Variants in ZFHX3 observed in about 807,000 individuals in gnomAD.
The protein encoded by ZFHX3 is zinc finger homeobox 3.
A neutral mutation model predicts 279.1 loss-of-function variants in ZFHX3; 42 were observed. That is an observed-to-expected ratio of 0.15 (90% CI 0.12 to 0.19). ZFHX3 has a LOEUF of 0.19. Among genes scored for constraint, ZFHX3 ranks in the 10% least tolerant of loss-of-function variants. The pLI, the probability that ZFHX3 is intolerant of heterozygous loss-of-function variation, is 1.00. For missense variants in ZFHX3, 4,981 were observed against 4,754.0 expected (o/e 1.05, Z -1.40); for synonymous variants, 2,293 against 1,957.8 (o/e 1.17, Z -4.52).
chr16:73,140,952 T>C (rs1966846409), intron 6 of ZFHX3, among the ~76,000 whole-genome samples: 1 of 152,120 alleles, frequency 6.6e-6, no homozygotes, highest in South Asian at 2.1e-4. Context: ...ATGGAAGAGA[T>C]AAGAAGCCCC....
intron 1 of ZFHX3, among the ~76,000 whole-genome samples, chr16:73,881,291 C>T (rs920638740): frequency 5.3e-5 from 8 of 152,118 alleles, no homozygotes; most frequent in African/African-American, 9.7e-5. Flanking sequence ...GGAAAGAATT[C>T]GGTCTGTCAC....
intron 4 of ZFHX3, among the ~76,000 whole-genome samples, chr16:73,271,649 G>A (rs1478002338): frequency 1.3e-5 from 2 of 152,250 alleles, no homozygotes; most frequent in African/African-American, 4.8e-5. Context: ...GCTTTCAAAT[G>A]AAGATGAAAC....
intron 7 of ZFHX3, among the ~76,000 whole-genome samples, chr16:73,095,031 A>T (rs1966142546): frequency 2.6e-5 from 4 of 151,798 alleles, no homozygotes; most frequent in Admixed American, 2.6e-4. Flanking sequence ...GTCTTCATAG[A>T]TAAACCATGG....
At chr16:73,850,882 C>A (rs1597143509) in intron 1 of ZFHX3, among the ~76,000 whole-genome samples, 1 of 152,292 alleles carries the variant, frequency 6.6e-6, no homozygotes, top group African/African-American at 2.4e-5. Context: ...GTGTCACATT[C>A]TCACCAGCAT....
intron 2 of ZFHX3, among the ~76,000 whole-genome samples, chr16:73,476,500 T>C (rs2018768133): frequency 6.6e-6 from 1 of 152,168 alleles, no homozygotes; most frequent in Non-Finnish European, 1.5e-5. Context: ...ATATTCAACA[T>C]CAACTTCATC....
In ZFHX3 at chr16:72,797,809, G is replaced by A; in HGVS notation, c.4873C>T (p.Arg1625Trp). The change falls in exon 9 of 10, where the codon CGG becomes TGG. Residue 1625 changes from arginine to tryptophan, a missense_variant. Physicochemically the swap from Arg to Trp is moderately radical, Grantham distance 101. Coordinates refer to ENST00000268489, the MANE Select transcript of ZFHX3 (RefSeq NM_006885.4). ...MRSVLHQTKARAAKLEAASGS... is the reference protein window; with the variant it reads ...MRSVLHQTKAWAAKLEAASGS... ...CTTGCAGCCTCCAGCTTGGCTGCCC[G>A]GGCCTTGGTTTGATGTAACACAGAC... 1.9e-6 allele frequency: 3 copies of A among 1,614,090 alleles called. No individual in the cohort carries two copies. The highest frequency in any genetic ancestry group is 1.1e-5 in the South Asian group (1 of 91,064).
At chr16:72,911,347 G>C (rs1440230005) in intron 3 of ZFHX3, among the ~76,000 whole-genome samples, 1 of 152,152 alleles carries the variant, frequency 6.6e-6, no homozygotes, top group African/African-American at 2.4e-5. Context: ...AGTAATTGAG[G>C]GAAAAGGACA....
At chr16:73,343,823 A>T (rs1372117438) in intron 3 of ZFHX3, among the ~76,000 whole-genome samples, 2 of 152,238 alleles carry the variant, frequency 1.3e-5, no homozygotes, top group Non-Finnish European at 2.9e-5. Context: ...AATGGATTAC[A>T]ATCCCTTGAA....
At chr16:72,991,826 G>C (rs1338904521) in intron 1 of ZFHX3, among the ~76,000 whole-genome samples, 1 of 152,096 alleles carries the variant, frequency 6.6e-6, no homozygotes, top group African/African-American at 2.4e-5. Context: ...GATGGTTCCA[G>C]GTGGGAGTGG....
At chr16:73,590,050 G>C (rs1428263948) in intron 2 of ZFHX3, among the ~76,000 whole-genome samples, 1 of 152,062 alleles carries the variant, frequency 6.6e-6, no homozygotes, top group Non-Finnish European at 1.5e-5. Context: ...TGAGACTTTT[G>C]TACACATATT....
chr16:73,091,954 A>G (rs1214572498), intron 8 of ZFHX3, among the ~76,000 whole-genome samples: 2 of 152,206 alleles, frequency 1.3e-5, no homozygotes, highest in Non-Finnish European at 2.9e-5. Context: ...GCTCTTAGAA[A>G]TTGGTTCTGC....
chr16:73,168,808 C>A (rs1262677081), intron 5 of ZFHX3, among the ~76,000 whole-genome samples: 9 of 152,188 alleles, frequency 5.9e-5, no homozygotes, highest in African/African-American at 1.7e-4. Flanking sequence ...GCAATACCGA[C>A]CGTCCACTCC....
chr16:73,574,861 C>A (rs2051783216), intron 2 of ZFHX3, among the ~76,000 whole-genome samples: 1 of 152,190 alleles, frequency 6.6e-6, no homozygotes, highest in Non-Finnish European at 1.5e-5. Flanking sequence ...CTCTGCTTCA[C>A]TGCCTTCACA....
At chr16:73,489,454 C>T (rs2019024418) in intron 2 of ZFHX3, among the ~76,000 whole-genome samples, 1 of 152,162 alleles carries the variant, frequency 6.6e-6, no homozygotes, top group African/African-American at 2.4e-5. Context: ...CTGAATCCAG[C>T]ATAATTCATA....
chr16:73,106,018 C>T (rs1216941890), intron 7 of ZFHX3, among the ~76,000 whole-genome samples: 1 of 149,852 alleles, frequency 6.7e-6, no homozygotes, highest in African/African-American at 2.5e-5. Flanking sequence ...CCAGGGAATC[C>T]TCTCCGCCAT....
intron 3 of ZFHX3, among the ~76,000 whole-genome samples, chr16:73,430,320 T>C (rs1250501747): frequency 1.3e-5 from 2 of 152,190 alleles, no homozygotes; most frequent in Admixed American, 6.5e-5. Context: ...GCCCTAAATA[T>C]TGCATCAGAC....
chr16:73,175,428 G>T (rs151244251), intron 5 of ZFHX3, among the ~76,000 whole-genome samples: 12 of 152,112 alleles, frequency 7.9e-5, no homozygotes, highest in Non-Finnish European at 1.0e-4. Flanking sequence ...GCCCCTGCCT[G>T]CTTCTCCAAC....
chr16:73,437,570 G>T (rs1037942929), intron 3 of ZFHX3, among the ~76,000 whole-genome samples: 11 of 152,100 alleles, frequency 7.2e-5, no homozygotes, highest in Admixed American at 7.2e-4. Flanking sequence ...ATCAGTATTA[G>T]TGTGTGCATT....
intron 1 of ZFHX3, among the ~76,000 whole-genome samples, chr16:73,798,571 GCACACACACAGACACACA>G (rs1567414118): frequency 1.5e-5 from 2 of 133,240 alleles, no homozygotes; most frequent in East Asian, 2.1e-4. Flanking sequence ...ACACACAGGT[GCACACACACAGACACACA>G]CACACACACA....
Sources: gnomAD v4.1 joint callset for allele counts (sites outside exome capture counted in the v4.1 genomes callset) on GRCh38, gnomAD v4.1.1 for gene constraint, MANE v1.5 for transcripts, NCBI Gene and HGNC (gene_info 2026-07-23, HGNC 2026-07-21) for gene names.